The following APELA variants were observed in gnomAD, a reference collection of about 807,000 sequenced individuals.
The protein encoded by APELA is protein Elabela.
At chr4:164,887,835 C>A (rs1730802833) in intron 2 of APELA, among the ~76,000 whole-genome samples, 1 of 152,196 alleles carries the variant, frequency 6.6e-6, no homozygotes, top group East Asian at 1.9e-4. Flanking sequence ...TGGTCTCGAA[C>A]TCCTGACCTC....
intron 2 of APELA, among the ~76,000 whole-genome samples, chr4:164,888,721 T>C (rs1225556088): frequency 6.6e-6 from 1 of 152,228 alleles, no homozygotes; most frequent in Non-Finnish European, 1.5e-5. Flanking sequence ...GCTTCTCTTT[T>C]ATCCATTCTT....
At chr4:164,893,364 T>C (rs902271919) in intron 2 of APELA, among the ~76,000 whole-genome samples, 2 of 152,150 alleles carry the variant, frequency 1.3e-5, no homozygotes, top group Non-Finnish European at 2.9e-5. Flanking sequence ...TAGGAGTGTG[T>C]TGTTAATTTC....
At chr4:164,883,289 A>T (rs374891131) in intron 2 of APELA, among the ~76,000 whole-genome samples, 17 of 152,180 alleles carry the variant, frequency 1.1e-4, no homozygotes, top group African/African-American at 3.9e-4. Context: ...TCATATTCCT[A>T]TTCAACTATT....
At chr4:164,878,138 A>AG (rs1376298708) in intron 1 of APELA, among the ~76,000 whole-genome samples, 1 of 146,202 alleles carries the variant, frequency 6.8e-6, no homozygotes, top group Non-Finnish European at 1.5e-5. Flanking sequence ...TAAGTTTGAA[A>AG]AAAAAAAGAA....
At chr4:164,877,716 G>C (rs747909879) in intron 1 of APELA, among the ~76,000 whole-genome samples, 1 of 152,100 alleles carries the variant, frequency 6.6e-6, no homozygotes, top group Non-Finnish European at 1.5e-5. Context: ...AGAAGTGTTC[G>C]TCTATTCATT....
intron 2 of APELA, among the ~76,000 whole-genome samples, chr4:164,894,374 A>AAC (rs1446269098): frequency 6.6e-6 from 1 of 152,014 alleles, no homozygotes; most frequent in Non-Finnish European, 1.5e-5. Context: ...TTTTTTACAA[A>AAC]ACACACACAT....
rs1348607885 is a variant in APELA, at chr4:164,878,955, A to C, written c.112A>C (p.Asn38His). The change falls in exon 2 of 3, where the codon AAT (asparagine) becomes CAT (histidine). Residue 38 changes from asparagine (N) to histidine (H), a missense_variant. Asn to His is a moderately conservative substitution (Grantham distance 68, BLOSUM62 1). Coordinates refer to ENST00000507152, the MANE Select transcript of APELA (RefSeq NM_001297550.2). ...CATGAGAAGAAAACTGCGCAAACACAATTGCCTTCAGAGGAGATGTATGCC... is the reference window on the plus strand; with the variant it reads ...CATGAGAAGAAAACTGCGCAAACACCATTGCCTTCAGAGGAGATGTATGCC... ...LTMRRKLRKH[N>H]CLQRRCMPLH... 6 of 398,976 alleles carry C rather than the reference A, an allele frequency of 1.5e-5. No homozygotes were observed. The highest frequency in any genetic ancestry group is 2.7e-5 in the Non-Finnish European group (6 of 226,014). The allele number at this position is 398,976 out of a possible 1,614,324, so 24.7% of individuals were successfully genotyped here. A position where few individuals can be genotyped will look rare whatever the true frequency, so the allele number is the denominator to read the frequency against.
chr4:164,877,462 G>A, intron 1 of APELA, 55 bp downstream of exon 1: 1 of 398,722 alleles, frequency 2.5e-6, no homozygotes, highest in Non-Finnish European at 4.4e-6. Context: ...TGCATCCCTG[G>A]GTCTCTGAGC....
At chr4:164,889,827 T>C (rs1166148774) in intron 2 of APELA, among the ~76,000 whole-genome samples, 1 of 152,246 alleles carries the variant, frequency 6.6e-6, no homozygotes, top group Admixed American at 6.5e-5. Context: ...TTCCTTGTCT[T>C]TATTCCCTAA....
At chr4:164,882,353 C>G (rs889233856) in intron 2 of APELA, among the ~76,000 whole-genome samples, 3 of 152,028 alleles carry the variant, frequency 2.0e-5, no homozygotes, top group Admixed American at 6.5e-5. Context: ...TCTGCCCCCC[C>G]TCAGACTCCC....
At chr4:164,881,239 C>G (rs1036719779) in intron 2 of APELA, among the ~76,000 whole-genome samples, 1 of 152,204 alleles carries the variant, frequency 6.6e-6, no homozygotes, top group East Asian at 1.9e-4. Context: ...ACCCCTTTCA[C>G]TTCTTCCCCT....
Position 164,897,336 on chromosome 4 carries a change from T to A in APELA, c.*1922T>A, listed in dbSNP as rs553772238. ...TTATATTTATGTTTAAAACATGTAC[T>A]GGTTTGTATATTTTGTACTGAAAAA... On this transcript the variant is annotated 3_prime_UTR_variant, in exon 3 of 3. Coordinates refer to ENST00000507152, the MANE Select transcript of APELA (RefSeq NM_001297550.2). The A allele has an allele frequency of 6.6e-6, 1 of 152,358 alleles. No individual in the cohort carries two copies. The highest frequency in any genetic ancestry group is 1.5e-5 in the Non-Finnish European group (1 of 68,030). The allele number at this position is 152,358 out of a possible 1,614,324, so 9.4% of individuals were successfully genotyped here.
At chr4:164,885,421 G>A (rs772680325) in intron 2 of APELA, among the ~76,000 whole-genome samples, 19 of 151,706 alleles carry the variant, frequency 1.3e-4, no homozygotes, top group Non-Finnish European at 2.1e-4. Flanking sequence ...GTGATCCATC[G>A]TGCCCAGCCT....
At chr4:164,884,362 A>G (rs779696088) in intron 2 of APELA, among the ~76,000 whole-genome samples, 1 of 152,208 alleles carries the variant, frequency 6.6e-6, no homozygotes, top group Non-Finnish European at 1.5e-5. Flanking sequence ...ACTATTTTCA[A>G]CACATTGTTC....
At chr4:164,898,116 C>G (rs370209886), downstream of APELA, among the ~76,000 whole-genome samples, 6 of 151,974 alleles carry the variant, frequency 3.9e-5, no homozygotes, top group East Asian at 1.2e-3. Flanking sequence ...GTCCCGAACT[C>G]CTGACCTCAA....
chr4:164,877,319 G>A lies in APELA; in HGVS notation c.-13G>A, dbSNP rs1486065073. 22 of 398,870 alleles carry A rather than the reference G, an allele frequency of 5.5e-5. No homozygotes were observed. Among genetic ancestry groups the A allele is most frequent in the Middle Eastern group, 6.2e-4 (1 of 1,610 alleles). 24.7% of individuals were successfully genotyped at this position (398,870 alleles called of 1,614,324 possible). On this transcript the variant is annotated 5_prime_UTR_variant, in exon 1 of 3. In the 5' UTR this introduces an upstream ATG that the reference lacks. Coordinates refer to ENST00000507152, the MANE Select transcript of APELA (RefSeq NM_001297550.2). ...CATTGAGAGTCATTGCTCTACTTTT[G>A]TGCGGTAGGAAAATGAGATTTCAGC... is the stretch of plus-strand genomic sequence containing the variant.
At chr4:164,886,586 T>C (rs1306085495) in intron 2 of APELA, among the ~76,000 whole-genome samples, 3 of 151,966 alleles carry the variant, frequency 2.0e-5, no homozygotes. Flanking sequence ...GTTGAGGCTA[T>C]AGTGAGCTGT....
At chr4:164,892,688 A>T (rs932576955) in intron 2 of APELA, among the ~76,000 whole-genome samples, 4 of 152,198 alleles carry the variant, frequency 2.6e-5, no homozygotes, top group Non-Finnish European at 5.9e-5. Flanking sequence ...GGGAAAATTG[A>T]TACTAATTAT....
rs183605663 is a variant in APELA at position 164,890,997 on chromosome 4, G to A, written c.*2-4419G>A. On this transcript the variant is annotated intron_variant, in intron 2 of 2. Transcript: ENST00000507152. ...ACTAAAATGTTGAGCATCTTTTCAT[G>A]TGCTTATTGGATATTTGTGTCTCTT... Among the ~76,000 whole-genome samples, 121 of 152,236 alleles carry A rather than the reference G, an allele frequency of 7.9e-4. 2 individuals carry two copies. The highest frequency in any genetic ancestry group is 2.4e-4 in the Non-Finnish European group (16 of 68,012).
Sources: allele counts gnomAD v4.1 joint callset (sites outside exome capture counted in the v4.1 genomes callset), GRCh38; gene constraint gnomAD v4.1.1; transcripts MANE v1.5; gene names NCBI Gene and HGNC (gene_info 2026-07-23, HGNC 2026-07-21).